The following CDH1 variants were observed in gnomAD, a reference collection of about 807,000 sequenced individuals.
CDH1 encodes the protein cadherin 1.
Under a neutral mutation model 84.5 loss-of-function variants are expected in CDH1, and 35 were observed. The observed-to-expected ratio is 0.41, with a 90% confidence interval of 0.32 to 0.55. The LOEUF (loss-of-function observed/expected upper bound fraction) is 0.55. CDH1 is among the 20% of genes least tolerant of loss of function. The pLI, the probability that CDH1 is intolerant of heterozygous loss-of-function variation, is 0.19. For missense variants in CDH1, 994 were observed against 1,126.6 expected (o/e 0.88, Z 1.68); for synonymous variants, 417 against 439.0 (o/e 0.95, Z 0.63).
At chr16:68,831,155 T>G (rs1360268624) in intron 15 of CDH1, among the ~76,000 whole-genome samples, 2 of 141,464 alleles carry the variant, frequency 1.4e-5, no homozygotes, top group African/African-American at 5.3e-5. Flanking sequence ...CTCAGCTCAC[T>G]GCAAGCTCTA....
chr16:68,784,436 C>T (rs535422645), intron 2 of CDH1, among the ~76,000 whole-genome samples: 27 of 152,218 alleles, frequency 1.8e-4, no homozygotes, highest in Non-Finnish European at 2.6e-4. Flanking sequence ...GACCAGCATC[C>T]GCCGGCAGCA....
chr16:68,767,385 A>G (rs1959422639), intron 2 of CDH1, among the ~76,000 whole-genome samples: 1 of 151,988 alleles, frequency 6.6e-6, no homozygotes, highest in Admixed American at 6.6e-5. Context: ...TTTAGTGAAG[A>G]CAGGGTTTCA....
chr16:68,784,023 A>T (rs558308624), intron 2 of CDH1, among the ~76,000 whole-genome samples: 1 of 152,110 alleles, frequency 6.6e-6, no homozygotes, highest in Non-Finnish European at 1.5e-5. Context: ...GTGGATGCCC[A>T]TCATTGATTT....
chr16:68,802,428 A>C (rs1026470839), intron 3 of CDH1, among the ~76,000 whole-genome samples: 2 of 151,174 alleles, frequency 1.3e-5, no homozygotes, highest in South Asian at 2.1e-4. Context: ...TGTCTTTACC[A>C]CTCCCCTCTT....
intron 5 of CDH1, 63 bp downstream of exon 5, chr16:68,808,911 C>G (rs1480384460): frequency 6.5e-7 from 1 of 1,529,926 alleles, no homozygotes; most frequent in Non-Finnish European, 9.0e-7. Context: ...TTTTGGTCAA[C>G]CCATGCTGGA....
intron 2 of CDH1, 88 bp from the exon 3 acceptor site, chr16:68,801,582 G>C: frequency 2.8e-6 from 3 of 1,061,220 alleles, no homozygotes; most frequent in Non-Finnish European, 4.4e-6. Context: ...TTTTGTGGGA[G>C]TCTTCCCACA....
intron 3 of CDH1, among the ~76,000 whole-genome samples, chr16:68,806,243 C>T (rs1291418040): frequency 1.3e-5 from 2 of 151,894 alleles, no homozygotes; most frequent in Non-Finnish European, 2.9e-5. Flanking sequence ...CCTCTGCCTC[C>T]CGGGTTCAAG....
intron 2 of CDH1, among the ~76,000 whole-genome samples, chr16:68,755,014 G>A (rs1001721138): frequency 6.6e-6 from 1 of 152,042 alleles, no homozygotes; most frequent in Non-Finnish European, 1.5e-5. Context: ...GTGTCAGCTG[G>A]GTGTGGTGGT....
chr16:68,813,235 G>T (rs1457271200), intron 8 of CDH1, 78 bp from the exon 9 acceptor site: 18 of 1,407,088 alleles, frequency 1.3e-5, no homozygotes, highest in Non-Finnish European at 1.7e-5. Context: ...AAAAAAAGAG[G>T]AATCCTTTAG....
At chr16:68,740,229 C>T (rs1481705960) in intron 2 of CDH1, among the ~76,000 whole-genome samples, 5 of 152,100 alleles carry the variant, frequency 3.3e-5, no homozygotes, top group Non-Finnish European at 7.3e-5. Context: ...CTGTGTCATT[C>T]TTCCAGTCTT....
At chr16:68,749,888 C>G (rs1195281103) in intron 2 of CDH1, among the ~76,000 whole-genome samples, 1 of 152,190 alleles carries the variant, frequency 6.6e-6, no homozygotes, top group Non-Finnish European at 1.5e-5. Flanking sequence ...CTTGATTCAT[C>G]TTTCTAAAGG....
intron 2 of CDH1, among the ~76,000 whole-genome samples, chr16:68,747,196 G>T (rs1459969845): frequency 6.6e-6 from 1 of 152,174 alleles, no homozygotes; most frequent in Non-Finnish European, 1.5e-5. Flanking sequence ...GAGTAAGAGG[G>T]TGTCTTCCAT....
chr16:68,776,785 A>G (rs370332946), intron 2 of CDH1, among the ~76,000 whole-genome samples: 1 of 152,246 alleles, frequency 6.6e-6, no homozygotes, highest in African/African-American at 2.4e-5. Context: ...CAGCCCATGC[A>G]TGAAATCCAA....
Position 68,798,928 on chromosome 16 carries a change from T to A in CDH1, c.164-2742T>A, listed in dbSNP as rs564633966. Among the ~76,000 whole-genome samples, 4 of 152,332 alleles carry A rather than the reference T, an allele frequency of 2.6e-5. No individual in the cohort carries two copies. In the South Asian group the frequency reaches 6.2e-4, roughly 24 times the overall value. ...ATCATCTTATGGCTCAGCTGTTCAG[T>A]TAACAAACACTTGTCTACCCAAATA... is the stretch of plus-strand genomic sequence containing the variant. On this transcript the variant is annotated intron_variant, in intron 2 of 15. Coordinates refer to ENST00000261769, the MANE Select transcript of CDH1 (RefSeq NM_004360.5).
chr16:68,773,203 G>C (rs1417811994), intron 2 of CDH1, among the ~76,000 whole-genome samples: 2 of 152,040 alleles, frequency 1.3e-5, no homozygotes, highest in East Asian at 1.9e-4. Flanking sequence ...GCTTCAGCTA[G>C]ATAGAGTCTT....
intron 2 of CDH1, among the ~76,000 whole-genome samples, chr16:68,764,606 T>G (rs1180563737): frequency 6.6e-6 from 1 of 152,132 alleles, no homozygotes; most frequent in Non-Finnish European, 1.5e-5. Context: ...AGAGCCAATC[T>G]CAGGGTCTAT....
intron 2 of CDH1, among the ~76,000 whole-genome samples, chr16:68,789,361 A>T (rs907240133): frequency 1.3e-5 from 2 of 151,916 alleles, no homozygotes; most frequent in Admixed American, 1.3e-4. Context: ...AATGTCCAGA[A>T]CCTAATTTTG....
chr16:68,770,736 A>T (rs1959549739), intron 2 of CDH1, among the ~76,000 whole-genome samples: 1 of 151,138 alleles, frequency 6.6e-6, no homozygotes, highest in South Asian at 2.1e-4. Flanking sequence ...AAGCAGAGGA[A>T]CAGCAAGGGC....
At chr16:68,827,355 A>G (rs1454181445) in intron 13 of CDH1, among the ~76,000 whole-genome samples, 1 of 141,194 alleles carries the variant, frequency 7.1e-6, no homozygotes, top group Non-Finnish European at 1.5e-5. Context: ...TGGATAGAAA[A>G]CACATGGAAT....
Sources: allele counts gnomAD v4.1 joint callset (sites outside exome capture counted in the v4.1 genomes callset), GRCh38; gene constraint gnomAD v4.1.1; transcripts MANE v1.5; gene names NCBI Gene and HGNC (gene_info 2026-07-23, HGNC 2026-07-21).